The following STAB1 variants were observed in gnomAD, a reference collection of about 807,000 sequenced individuals.
The protein encoded by STAB1 is stabilin 1, also known as stabilin-1.
Under a neutral mutation model 332.4 loss-of-function variants are expected in STAB1, and 250 were observed. The ratio of observed to expected loss-of-function variants is 0.75; its 90% CI spans 0.68 to 0.84. STAB1 has a LOEUF of 0.84. Among genes scored for constraint, STAB1 ranks in the 40% least tolerant of loss-of-function variants. The pLI, the probability that STAB1 is intolerant of heterozygous loss-of-function variation, is 0.00. For missense variants in STAB1, 3,249 were observed against 3,489.7 expected (o/e 0.93, Z 1.74); for synonymous variants, 1,475 against 1,390.4 (o/e 1.06, Z -1.35).
chr3:52,517,497 G>C (rs1237783988), intron 43 of STAB1, 53 bp from the exon 44 acceptor site: 1 of 1,604,552 alleles, frequency 6.2e-7, no homozygotes, highest in Non-Finnish European at 8.5e-7. Flanking sequence ...TTTACCCAGG[G>C]TGCTGGCCAG....
intron 9 of STAB1, 52 bp from the exon 10 acceptor site, chr3:52,503,976 C>T (rs1708649612): frequency 7.8e-6 from 12 of 1,544,062 alleles, no homozygotes; most frequent in Admixed American, 1.7e-5. Flanking sequence ...GTGGGGGGTG[C>T]GGTGGGGGGG....
chr3:52,505,267 T>C, intron 13 of STAB1, 52 bp from the exon 14 acceptor site: 1 of 1,608,906 alleles, frequency 6.2e-7, no homozygotes, highest in Non-Finnish European at 8.5e-7. Context: ...CCCGCTGGGC[T>C]GAAGCAGCCT....
Position 52,501,319 on chromosome 3 carries a change from T to C in STAB1, c.215+17T>C. ...GGACTGCCGGTGCGGGCCACCCCTG[T>C]CCTTGCCTGTGTCCAGGAGCATCCT... On this transcript the variant is annotated intron_variant, in intron 2 of 68. Transcript: ENST00000321725. 1 of 1,610,744 alleles carries C rather than the reference T, an allele frequency of 6.2e-7. No individual in the cohort carries two copies. The highest frequency in any genetic ancestry group is 8.5e-7 in the Non-Finnish European group (1 of 1,178,214).
rs754219915 is a variant in STAB1 at position 52,517,938 on chromosome 3, A to C, written c.4696A>C (p.Thr1566Pro). 6.2e-7 allele frequency: 1 copy of C among 1,611,032 alleles called. No individual in the cohort carries two copies. The highest frequency in any genetic ancestry group is 1.1e-5 in the South Asian group (1 of 90,734). The stretch of plus-strand genomic sequence containing the variant: ...CAAAAGCACAGGGGATGGCCAGAGG[A>C]CATGTACCTGCGACACAGCCCACAC... ...TCKSTGDGQR[T>P]CTCDTAHTVG... Residue 1566 changes from threonine (T) to proline (P), a missense_variant, in exon 45 of 69, where the codon ACA becomes CCA. Transcript: ENST00000321725.
Position 52,519,387 on chromosome 3 carries a change from G to A in STAB1, c.5158G>A (p.Asp1720Asn). ...PPEALHWEPD[D>N]APIPRRNVTA... ...CGAGGCGCTGCACTGGGAGCCTGAT[G>A]ATGCTCCCATCCCGAGGGTATGACA... The change falls in exon 49 of 69, where the codon GAT becomes AAT. Residue 1720 changes from aspartate to asparagine, a missense_variant. Physicochemically the swap from Asp to Asn is conservative, Grantham distance 23 (BLOSUM62 1). Coordinates refer to ENST00000321725, the MANE Select transcript of STAB1 (RefSeq NM_015136.3). 1.9e-6 allele frequency: 3 copies of A among 1,613,102 alleles called. No homozygotes were observed. The highest frequency in any genetic ancestry group is 2.5e-6 in the Non-Finnish European group (3 of 1,179,990).
chr3:52,502,299 AC>A (rs1477844603), intron 5 of STAB1, 71 bp downstream of exon 5: 19 of 1,482,866 alleles, frequency 1.3e-5, no homozygotes, highest in Non-Finnish European at 1.7e-5. Flanking sequence ...AGTACCTACA[AC>A]CAGCTCCCAC....
intron 30 of STAB1, 50 bp downstream of exon 30, chr3:52,513,291 G>A: frequency 6.6e-7 from 1 of 1,510,102 alleles, no homozygotes; most frequent in Admixed American, 2.2e-5. Flanking sequence ...GGCATGGGAG[G>A]GAGCCTGAGT....
At position 52,516,702 on chromosome 3, in the gene STAB1, G is replaced by T; in HGVS notation, c.4297G>T (p.Asp1433Tyr). The part of the protein sequence containing the change: ...KCDPNANCVQ[D>Y]SAGASTCACA... ...TACCACCCCTCCCAGCTGCGTGCAGGACTCGGCCGGAGCCTCCACCTGCGC... is the reference window on the plus strand; with the variant it reads ...TACCACCCCTCCCAGCTGCGTGCAGTACTCGGCCGGAGCCTCCACCTGCGC... Residue 1433 changes from aspartate (D) to tyrosine (Y), a missense_variant, in exon 41 of 69, where the codon GAC (aspartate) becomes TAC (tyrosine). Transcript: ENST00000321725. The T allele has an allele frequency of 6.2e-7, 1 of 1,612,286 alleles. No individual in the cohort carries two copies. The highest frequency in any genetic ancestry group is 1.1e-5 in the South Asian group (1 of 91,054).
chr3:52,519,185 G>A (rs768629938), intron 48 of STAB1, 79 bp from the exon 49 acceptor site: 1 of 1,547,452 alleles, frequency 6.5e-7, no homozygotes, highest in Non-Finnish European at 8.7e-7. Context: ...CCCAACCCAG[G>A]TTCAACCTCC....
At chr3:52,500,840 C>T (rs575555553) in intron 1 of STAB1, among the ~76,000 whole-genome samples, 3 of 152,318 alleles carry the variant, frequency 2.0e-5, no homozygotes, top group East Asian at 3.9e-4. Context: ...GGGGGAGCAA[C>T]GTGGCTAGAT....
chr3:52,514,368 GCAGA>G lies in STAB1; in HGVS notation c.3553_3556del (p.Asp1185GlnfsTer44), dbSNP rs779353852. On this transcript the variant is annotated frameshift_variant, in exon 34 of 69. Coordinates refer to ENST00000321725, the MANE Select transcript of STAB1 (RefSeq NM_015136.3). LOFTEE classifies it high-confidence loss of function. ...GGGTTCTCTCCTTCTCTTCCAGGAC[GCAGA>G]CACAGTGCGGCACCATGTGGTCCTG... 6.5e-7 allele frequency: 1 copy of G among 1,544,704 alleles called. No individual in the cohort carries two copies. Among genetic ancestry groups the G allele is most frequent in the South Asian group, 1.3e-5 (1 of 79,956 alleles).
intron 1 of STAB1, among the ~76,000 whole-genome samples, chr3:52,499,618 G>A (rs112012524): frequency 6.6e-5 from 10 of 150,818 alleles, no homozygotes; most frequent in African/African-American, 1.2e-4. Context: ...CAAACTGGCC[G>A]GCCGGGCGCG....
intron 16 of STAB1, 25 bp downstream of exon 16, chr3:52,505,961 G>A (rs766824888): frequency 6.8e-6 from 11 of 1,612,728 alleles, no homozygotes; most frequent in African/African-American, 5.3e-5. Flanking sequence ...TCTGGGGGGC[G>A]GCCAGCTTGT....
chr3:52,506,980 A>G, intron 18 of STAB1, 130 bp downstream of exon 18: 1 of 1,254,928 alleles, frequency 8.0e-7, no homozygotes, highest in Non-Finnish European at 1.1e-6. Flanking sequence ...CTGCTGGCAG[A>G]CTCCCAAGGA....
At chr3:52,516,830 C>G (rs2078883562) in intron 41 of STAB1, 62 bp downstream of exon 41, 9 of 1,590,800 alleles carry the variant, frequency 5.7e-6, no homozygotes, top group African/African-American at 4.1e-5. Context: ...CCCCACAGAG[C>G]CCCCTTCACT....
chr3:52,499,528 A>C (rs749395475), intron 1 of STAB1, among the ~76,000 whole-genome samples: 28 of 152,220 alleles, frequency 1.8e-4, no homozygotes, highest in Non-Finnish European at 4.1e-4. Context: ...GGCCACCTTC[A>C]GGTAATGATG....
rs747601539 is a variant in STAB1, at chr3:52,510,168, G to A, written c.2561G>A (p.Gly854Asp). The change falls in exon 24 of 69, where the codon GGT becomes GAT. Residue 854 changes from glycine (G) to aspartate (D), a missense_variant. Coordinates refer to ENST00000321725, the MANE Select transcript of STAB1 (RefSeq NM_015136.3). ...TGTCGCTGTCTTGATGGCTTTGAGG[G>A]TGATGGCTTCTCCTGCACACCTAGC... Reference protein sequence around the residue: ...ARCRCLDGFEGDGFSCTPSNP... With the variant: ...ARCRCLDGFEDDGFSCTPSNP... 5.6e-6 allele frequency: 9 copies of A among 1,613,888 alleles called. No individual in the cohort carries two copies. Among genetic ancestry groups the A allele is most frequent in the Admixed American group, 5.0e-5 (3 of 60,006 alleles).
intron 6 of STAB1, 117 bp downstream of exon 6, chr3:52,502,844 T>G: frequency 2.3e-6 from 3 of 1,287,100 alleles, no homozygotes; most frequent in Non-Finnish European, 3.2e-6. Context: ...GGAGCCTAGT[T>G]GGGGAAGGGG....
At position 52,516,471 on chromosome 3, in the gene STAB1, G is replaced by GA; in HGVS notation, c.4240+21dup. On this transcript the variant is annotated intron_variant, in intron 39 of 68. Transcript: ENST00000321725. ...ACCAGAGTGAGTGGGTCCCAATGGG[G>GA]AGGGGGCAGGTGGCTACTGAGGAGG... 1.2e-6 allele frequency: 2 copies of GA among 1,613,532 alleles called. No individual in the cohort carries two copies. Among genetic ancestry groups the GA allele is most frequent in the Non-Finnish European group, 1.7e-6 (2 of 1,179,916 alleles).
Sources: allele counts gnomAD v4.1 joint callset (sites outside exome capture counted in the v4.1 genomes callset), GRCh38; gene constraint gnomAD v4.1.1; transcripts MANE v1.5; gene names NCBI Gene and HGNC (gene_info 2026-07-23, HGNC 2026-07-21).